Variants in EGFR observed in about 807,000 individuals in gnomAD.
EGFR encodes epidermal growth factor receptor, also known as avian erythroblastic leukemia viral (v-erb-b) oncogene homolog.
Under a neutral mutation model 143.0 loss-of-function variants are expected in EGFR, and 58 were observed. The ratio of observed to expected loss-of-function variants is 0.41; its 90% CI spans 0.33 to 0.50. The LOEUF is 0.50. EGFR is among the 20% of genes least tolerant of loss of function. The probability of loss-of-function intolerance (pLI) is 0.39; values close to 1 mark genes in which losing one functional copy is unlikely to be tolerated. For synonymous variants in EGFR, 613 were observed against 594.4 expected (o/e 1.03, Z -0.45); for missense variants, 1,307 against 1,579.0 (o/e 0.83, Z 2.92).
intron 1 of EGFR, among the ~76,000 whole-genome samples, chr7:55,094,191 G>C (rs1791300865): frequency 6.6e-6 from 1 of 152,224 alleles, no homozygotes; most frequent in African/African-American, 2.4e-5. Context: ...GTGGAAGTGA[G>C]TTTCCACTGA....
At chr7:55,084,190 C>G (rs1266145726) in intron 1 of EGFR, among the ~76,000 whole-genome samples, 1 of 152,190 alleles carries the variant, frequency 6.6e-6, no homozygotes, top group Non-Finnish European at 1.5e-5. Flanking sequence ...GGGTCAGGGT[C>G]TGGGTTCTCA....
At chr7:55,155,738 C>T (rs1439266590) in intron 7 of EGFR, 92 bp from the exon 8 acceptor site, 1 of 938,488 alleles carries the variant, frequency 1.1e-6, no homozygotes. Context: ...TGGAGCCTTT[C>T]CATCACCCCT....
chr7:55,160,005 C>T, intron 11 of EGFR, 134 bp from the exon 12 acceptor site: 1 of 896,200 alleles, frequency 1.1e-6, no homozygotes, highest in Non-Finnish European at 1.8e-6. Flanking sequence ...GCAGTGTGTG[C>T]CTCCCACAGC....
chr7:55,020,068 T>TGCGGCTCCCGGGGAGGGGTGGTGCTG (rs1786449402), intron 1 of EGFR, among the ~76,000 whole-genome samples: 2 of 152,200 alleles, frequency 1.3e-5, no homozygotes, highest in African/African-American at 4.8e-5. Flanking sequence ...TACCACCACC[T>TGCGGCTCCCGGGGAGGGGTGGTGCTG]GCGGCTCCCG....
intron 1 of EGFR, among the ~76,000 whole-genome samples, chr7:55,103,987 AG>A (rs1318142951): frequency 6.6e-6 from 1 of 152,228 alleles, no homozygotes; most frequent in African/African-American, 2.4e-5. Context: ...CCAGAAGGGT[AG>A]AAGTTCCTGT....
intron 19 of EGFR, among the ~76,000 whole-genome samples, chr7:55,179,510 G>C (rs548015068): frequency 2.4e-4 from 36 of 152,314 alleles, no homozygotes; most frequent in African/African-American, 7.2e-4. Flanking sequence ...TTCTCCCGTG[G>C]GTAAGGGTGG....
chr7:55,073,602 T>C (rs897893108), intron 1 of EGFR, among the ~76,000 whole-genome samples: 15 of 152,234 alleles, frequency 9.9e-5, no homozygotes, highest in African/African-American at 3.6e-4. Context: ...ATTTGGAATT[T>C]ACTATCAAAT....
At chr7:55,054,399 A>C (rs1390173584) in intron 1 of EGFR, among the ~76,000 whole-genome samples, 2 of 152,238 alleles carry the variant, frequency 1.3e-5, no homozygotes, top group African/African-American at 4.8e-5. Context: ...CTTTTAACAC[A>C]GCGGGAAAAG....
rs576993012 is a variant in EGFR, at chr7:55,160,416, T to C, written c.1498+78T>C. ...ATTTGTATTTAGAATATTGAAGGGCTATTCCCATTTAAATTACTTTTTTCA... is the reference window on the plus strand; with the variant it reads ...ATTTGTATTTAGAATATTGAAGGGCCATTCCCATTTAAATTACTTTTTTCA... On this transcript the variant is annotated intron_variant, in intron 12 of 27. Coordinates refer to ENST00000275493, the MANE Select transcript of EGFR (RefSeq NM_005228.5). 608 of 1,401,464 alleles carry C rather than the reference T, an allele frequency of 4.3e-4. 1 individual carries two copies. The highest frequency in any genetic ancestry group is 5.1e-4 in the Admixed American group (25 of 49,392). 86.8% of individuals were successfully genotyped at this position (1,401,464 alleles called of 1,614,324 possible).
chr7:55,077,347 G>T (rs192957180), intron 1 of EGFR, among the ~76,000 whole-genome samples: 2 of 152,240 alleles, frequency 1.3e-5, no homozygotes, highest in East Asian at 1.9e-4. Flanking sequence ...TCATCTTAAG[G>T]CTGTGAAATT....
intron 13 of EGFR, among the ~76,000 whole-genome samples, chr7:55,162,211 G>T (rs898590989): frequency 6.6e-6 from 1 of 152,232 alleles, no homozygotes; most frequent in African/African-American, 2.4e-5. Context: ...TGATATTGAT[G>T]TAAGGCTTTG....
intron 24 of EGFR, among the ~76,000 whole-genome samples, chr7:55,200,973 T>A (rs541162709): frequency 1.2e-4 from 19 of 152,312 alleles, no homozygotes; most frequent in African/African-American, 3.6e-4. Context: ...GTAGGGGCTT[T>A]CAAGCATCAA....
At chr7:55,168,578 T>C (rs2128949509) in intron 15 of EGFR, 2 of 1,611,878 alleles carry the variant, frequency 1.2e-6, no homozygotes, top group Non-Finnish European at 1.7e-6. Context: ...TGCATTTCCT[T>C]TCTACAATTT....
chr7:55,113,540 C>A (rs1268553526), intron 1 of EGFR, among the ~76,000 whole-genome samples: 1 of 152,128 alleles, frequency 6.6e-6, no homozygotes, highest in Non-Finnish European at 1.5e-5. Flanking sequence ...ACAAGTAAAC[C>A]ACATTCTCTT....
At chr7:55,202,945 GTGTGTGTGTA>G (rs1387008132) in intron 27 of EGFR, 8 of 611,938 alleles carry the variant, frequency 1.3e-5, no homozygotes, top group Admixed American at 2.6e-5. Flanking sequence ...CTGTGTATGT[GTGTGTGTGTA>G]TGTGTGTGTT....
intron 1 of EGFR, among the ~76,000 whole-genome samples, chr7:55,086,842 C>A (rs939021562): frequency 6.6e-6 from 1 of 152,062 alleles, no homozygotes; most frequent in Non-Finnish European, 1.5e-5. Flanking sequence ...CGTGAGTCAA[C>A]CTCAAATTCT....
intron 1 of EGFR, among the ~76,000 whole-genome samples, chr7:55,074,700 T>C (rs755465565): frequency 3.3e-5 from 5 of 152,212 alleles, no homozygotes; most frequent in African/African-American, 7.2e-5. Flanking sequence ...CCACTGTAAA[T>C]AGACAGACTC....
intron 1 of EGFR, among the ~76,000 whole-genome samples, chr7:55,058,452 C>G (rs938703668): frequency 6.6e-6 from 1 of 151,146 alleles, no homozygotes; most frequent in South Asian, 2.1e-4. Context: ...GACGTGGAAT[C>G]AACCTAAATG....
chr7:55,134,474 T>A (rs1041796463), intron 1 of EGFR, among the ~76,000 whole-genome samples: 2 of 152,260 alleles, frequency 1.3e-5, no homozygotes, highest in Non-Finnish European at 2.9e-5. Flanking sequence ...GTTTCCTGTG[T>A]GTCCTTGTGT....
Sources: gnomAD v4.1 joint callset for allele counts (sites outside exome capture counted in the v4.1 genomes callset) on GRCh38, gnomAD v4.1.1 for gene constraint, MANE v1.5 for transcripts, NCBI Gene and HGNC (gene_info 2026-07-23, HGNC 2026-07-21) for gene names.